Variants in PLOD1 observed in about 807,000 individuals in gnomAD.
PLOD1 encodes the protein procollagen-lysine,2-oxoglutarate 5-dioxygenase 1, also known as lysine hydroxylase.
PLOD1 carries 70 observed loss-of-function variants against 94.7 expected under a neutral mutation model. That is an observed-to-expected ratio of 0.74 (90% confidence interval 0.61 to 0.90). The LOEUF is 0.90. Ranked by LOEUF, PLOD1 falls within the 40% of genes least tolerant of loss-of-function variation. PLOD1 has a pLI of 0.00. For missense variants in PLOD1, 905 were observed against 972.7 expected (o/e 0.93, Z 0.93); for synonymous variants, 417 against 400.2 (o/e 1.04, Z -0.50).
rs199946373 is a variant in PLOD1, at chr1:11,958,569, G to A, written c.897G>A (p.Pro299=). The part of the protein sequence containing the change: ...LVGVFIEQPT[P]FVSLFFQRLL... Reference sequence around the variant, plus strand: ...GCGTGTTCATCGAACAGCCCACGCCGTTTGTGTCCCTGTTCTTCCAGCGGC... The same window carrying A: ...GCGTGTTCATCGAACAGCCCACGCCATTTGTGTCCCTGTTCTTCCAGCGGC... Residue 299 remains proline, a synonymous_variant, in exon 9 of 19, where the codon CCG becomes CCA. Coordinates refer to ENST00000196061, the MANE Select transcript of PLOD1 (RefSeq NM_000302.4). This position sits in a 1 kb window ranked among gnomAD's most constrained non-coding sequence, Gnocchi z 4.3. The A allele has an allele frequency of 1.8e-4, 291 of 1,614,000 alleles. 1 individual carries two copies. Among genetic ancestry groups the A allele is most frequent in the Middle Eastern group, 1.7e-4 (1 of 6,060 alleles).
intron 11 of PLOD1, 110 bp from the exon 12 acceptor site, chr1:11,964,065 G>C (rs1297078460): frequency 8.9e-7 from 1 of 1,128,144 alleles, no homozygotes; most frequent in Non-Finnish European, 1.3e-6. Flanking sequence ...AGGTGCTTGG[G>C]GATCCCTGCG....
intron 1 of PLOD1, among the ~76,000 whole-genome samples, chr1:11,942,961 G>GT (rs991743287): frequency 1.2e-4 from 18 of 151,244 alleles, no homozygotes; most frequent in East Asian, 7.8e-4. Flanking sequence ...GAACCCGGGA[G>GT]TTTTTTTTGT....
chr1:11,949,717 GC>G (rs1645683970), intron 2 of PLOD1, 55 bp from the exon 3 acceptor site: 4 of 1,594,658 alleles, frequency 2.5e-6, no homozygotes, highest in African/African-American at 2.7e-5. Context: ...ACCACGGCCA[GC>G]CCTGGAAAAA....
At chr1:11,937,821 G>A (rs973618378) in intron 1 of PLOD1, among the ~76,000 whole-genome samples, 1 of 152,042 alleles carries the variant, frequency 6.6e-6, no homozygotes, top group Non-Finnish European at 1.5e-5. Context: ...TGTGCTCACT[G>A]ATGCACAAGA....
rs942705529 is a variant in PLOD1 at position 11,957,306 on chromosome 1, A to G, written c.741+292A>G. 4.8e-6 allele frequency: 3 copies of G among 622,180 alleles called. No homozygotes were observed. In the African/African-American group the frequency reaches 5.4e-5, roughly 11 times the overall value. 38.5% of individuals were successfully genotyped at this position (622,180 alleles called of 1,614,324 possible). A position where few individuals can be genotyped will look rare whatever the true frequency, so the allele number is the denominator to read the frequency against. On this transcript the variant is annotated intron_variant, in intron 7 of 18. Coordinates refer to ENST00000196061, the MANE Select transcript of PLOD1 (RefSeq NM_000302.4). The surrounding 1 kb of genome is among the most constrained non-coding windows in gnomAD (Gnocchi z 4.1). Reference sequence around the variant, plus strand: ...CATCTGCACTGTCACCCCAGGGCAGAGTCACTTATTCACTCAGTAAACCTT... The same window carrying G: ...CATCTGCACTGTCACCCCAGGGCAGGGTCACTTATTCACTCAGTAAACCTT...
At chr1:11,961,896 C>G (rs576377201) in intron 10 of PLOD1, among the ~76,000 whole-genome samples, 1 of 152,342 alleles carries the variant, frequency 6.6e-6, no homozygotes, top group South Asian at 2.1e-4. Flanking sequence ...TCAAGCCATT[C>G]TCTTGCCTCA....
In PLOD1 at chr1:11,963,413, G is replaced by A; in HGVS notation, c.1098-119G>A. 1.4e-6 allele frequency: 1 copy of A among 723,746 alleles called. No individual in the cohort carries two copies. The highest frequency in any genetic ancestry group is 2.5e-6 in the Non-Finnish European group (1 of 399,044). 44.8% of individuals were successfully genotyped at this position (723,746 alleles called of 1,614,324 possible). The stretch of plus-strand genomic sequence containing the variant: ...GGGAGGAACCTTTGAGGCTGCTGGT[G>A]TGACCTCTCTAAAGCCCCTTGGCTG... On this transcript the variant is annotated intron_variant, in intron 10 of 18. Coordinates refer to ENST00000196061, the MANE Select transcript of PLOD1 (RefSeq NM_000302.4). This position sits in a 1 kb window ranked among gnomAD's most constrained non-coding sequence, Gnocchi z 4.3.
chr1:11,966,281 T>C lies in PLOD1; in HGVS notation c.1615T>C (p.Tyr539His), dbSNP rs765311232. ...DWKEKYIHQN[Y>H]TKALAGKLVE... Reference sequence around the variant, plus strand: ...GAAGGAGAAGTACATCCACCAGAACTACACCAAAGCCCTGGCAGGGAAGCT... The same window carrying C: ...GAAGGAGAAGTACATCCACCAGAACCACACCAAAGCCCTGGCAGGGAAGCT... The change falls in exon 15 of 19, where the codon TAC becomes CAC. Residue 539 changes from tyrosine to histidine, a missense_variant. Coordinates refer to ENST00000196061, the MANE Select transcript of PLOD1 (RefSeq NM_000302.4). 6.2e-7 allele frequency: 1 copy of C among 1,607,898 alleles called. No homozygotes were observed. The highest frequency in any genetic ancestry group is 1.7e-5 in the Admixed American group (1 of 59,470).
intron 1 of PLOD1, among the ~76,000 whole-genome samples, chr1:11,945,834 A>G (rs1156558513): frequency 1.3e-5 from 2 of 151,972 alleles, no homozygotes; most frequent in Non-Finnish European, 2.9e-5. Flanking sequence ...TCAGCCTCCC[A>G]AGTAGCTAGG....
intron 4 of PLOD1, among the ~76,000 whole-genome samples, chr1:11,951,736 G>A (rs1159361325): frequency 6.6e-6 from 1 of 150,384 alleles, no homozygotes; most frequent in Non-Finnish European, 1.5e-5. Context: ...TGGCTAACAC[G>A]ATGAAACCCC....
intron 1 of PLOD1, among the ~76,000 whole-genome samples, chr1:11,943,294 TTC>T (rs1645627384): frequency 7.0e-6 from 1 of 142,470 alleles, no homozygotes; most frequent in Non-Finnish European, 1.5e-5. Context: ...GGCTTTTTTT[TTC>T]TTTCTTTTTT....
At chr1:11,945,515 C>G (rs1645647090) in intron 1 of PLOD1, among the ~76,000 whole-genome samples, 3 of 151,796 alleles carry the variant, frequency 2.0e-5, no homozygotes, top group African/African-American at 7.3e-5. Flanking sequence ...ATGGGAGGTC[C>G]CTTGCATGGT....
chr1:11,972,947 T>A lies in PLOD1; in HGVS notation c.1978T>A (p.Ser660Thr). ...QPSLMPHHDA[S>T]TFTINIALNR... ...CTCACTGATGCCACACCATGATGCCTCCACCTTCACCATCAACATCGCCCT... is the reference window on the plus strand; with the variant it reads ...CTCACTGATGCCACACCATGATGCCACCACCTTCACCATCAACATCGCCCT... Residue 660 changes from serine to threonine, a missense_variant, in exon 18 of 19, where the codon TCC becomes ACC. Physicochemically the swap from Ser to Thr is moderately conservative, Grantham distance 58 (BLOSUM62 1). Coordinates refer to ENST00000196061, the MANE Select transcript of PLOD1 (RefSeq NM_000302.4). The surrounding 1 kb of genome is among the most constrained non-coding windows in gnomAD (Gnocchi z 4.6). 6.2e-7 allele frequency: 1 copy of A among 1,614,064 alleles called. No individual in the cohort carries two copies. Among genetic ancestry groups the A allele is most frequent in the Non-Finnish European group, 8.5e-7 (1 of 1,179,958 alleles).
rs116921504 is a variant in PLOD1 at position 11,968,479 on chromosome 1, T to G, written c.1755+1388T>G. On this transcript the variant is annotated intron_variant, in intron 16 of 18. Transcript: ENST00000196061. ...AGTTTTACAACATTCATATCTCCTA[T>G]GTACTTCAAGCCCCAACCCACCTCT... Among the ~76,000 whole-genome samples, 665 of 151,988 alleles carry G rather than the reference T, an allele frequency of 4.4e-3. 8 individuals are homozygous for G. The highest frequency in any genetic ancestry group is 0.041 in the East Asian group (211 of 5,166).
rs1299656397 is a variant in PLOD1 at position 11,934,768 on chromosome 1, C to A, written c.-12C>A. On this transcript the variant is annotated 5_prime_UTR_variant, in exon 1 of 19. Coordinates refer to ENST00000196061, the MANE Select transcript of PLOD1 (RefSeq NM_000302.4). ...GCCGCCGGGTCGGCCGATCGTCCCC[C>A]ATACCTCGGCCATGCGGCCCCTGCT... is the stretch of plus-strand genomic sequence containing the variant. 1 of 1,534,582 alleles carries A rather than the reference C, an allele frequency of 6.5e-7. No individual in the cohort carries two copies. The highest frequency in any genetic ancestry group is 1.2e-5 in the South Asian group (1 of 83,284).
rs373236197 is a variant in PLOD1, at chr1:11,957,101, G to A, written c.741+87G>A. On this transcript the variant is annotated intron_variant, in intron 7 of 18. Coordinates refer to ENST00000196061, the MANE Select transcript of PLOD1 (RefSeq NM_000302.4). This position sits in a 1 kb window ranked among gnomAD's most constrained non-coding sequence, Gnocchi z 4.1. ...CTGTGACCCCACAGTGTCTCCCTGG[G>A]GCCAGGGCCACCTTCCTGGGGCCTG... The A allele has an allele frequency of 5.4e-4, 491 of 903,120 alleles. No individual in the cohort carries two copies. Among genetic ancestry groups the A allele is most frequent in the South Asian group, 7.7e-4 (59 of 76,680 alleles). 55.9% of individuals were successfully genotyped at this position (903,120 alleles called of 1,614,324 possible). A position where few individuals can be genotyped will look rare whatever the true frequency, so the allele number is the denominator to read the frequency against.
rs1557487050 is a variant in PLOD1, at chr1:11,950,367, C to T, written c.313C>T (p.Leu105=). ...VILFADSYDV[L]FASGPRELLK... is the part of the protein sequence containing the mutation. ...CTGCTCTGGCCACAGCTATGACGTG[C>T]TGTTTGCATCGGGGCCCCGGGAGCT... Residue 105 remains leucine, a synonymous_variant, in exon 4 of 19, where the codon CTG becomes TTG. Coordinates refer to ENST00000196061, the MANE Select transcript of PLOD1 (RefSeq NM_000302.4). 1 of 1,614,152 alleles carries T rather than the reference C, an allele frequency of 6.2e-7. No individual in the cohort carries two copies. The highest frequency in any genetic ancestry group is 8.5e-7 in the Non-Finnish European group (1 of 1,180,006).
intron 6 of PLOD1, among the ~76,000 whole-genome samples, chr1:11,956,290 A>G (rs1261402036): frequency 6.6e-6 from 1 of 152,182 alleles, no homozygotes; most frequent in Non-Finnish European, 1.5e-5. Flanking sequence ...AGGCTGAGGC[A>G]GGAAAATCAC....
chr1:11,935,261 A>C (rs1645570135), intron 1 of PLOD1, among the ~76,000 whole-genome samples: 1 of 152,144 alleles, frequency 6.6e-6, no homozygotes, highest in Admixed American at 6.5e-5. Flanking sequence ...CACTTGCCCA[A>C]GATCATACAA....
Sources: allele counts gnomAD v4.1 joint callset (sites outside exome capture counted in the v4.1 genomes callset), GRCh38; gene constraint gnomAD v4.1.1; non-coding constraint Gnocchi (gnomAD v3.1); transcripts MANE v1.5; gene names NCBI Gene and HGNC (gene_info 2026-07-23, HGNC 2026-07-21).